BRWD3: variants seen among roughly 807,000 people sequenced by gnomAD.
BRWD3 encodes bromodomain and WD repeat-containing protein 3.
Under a neutral mutation model 149.7 loss-of-function variants are expected in BRWD3, and 10 were observed. That is an observed-to-expected ratio of 0.07 (90% CI 0.04 to 0.11). BRWD3 has a LOEUF of 0.11. Among genes scored for constraint, BRWD3 ranks in the 10% least tolerant of loss-of-function variants. BRWD3 has a pLI of 1.00. For synonymous variants in BRWD3, 504 were observed against 456.7 expected, an observed-to-expected ratio of 1.10 and a Z score of -1.32; for missense variants, 940 against 1,373.2, an observed-to-expected ratio of 0.68 and a Z score of 4.99.
At chrX:80,782,935 A>G (rs2074070453) in intron 6 of BRWD3, among the ~76,000 whole-genome samples, 1 of 110,064 alleles carries the variant, frequency 9.1e-6, no homozygotes, top group Non-Finnish European at 1.9e-5. Flanking sequence ...AGAATGTAAA[A>G]GGAGCTCAAA....
At position 80,692,146 on chromosome X, in the gene BRWD3, C is replaced by T; in HGVS notation, c.3268G>A (p.Asp1090Asn). 1 of 1,200,564 alleles carries T rather than the reference C, an allele frequency of 8.3e-7. No individual in the cohort carries two copies. Among genetic ancestry groups the T allele is most frequent in the African/African-American group, 1.7e-5 (1 of 57,433 alleles). Residue 1090 changes from aspartate to asparagine, a missense_variant, in exon 29 of 41, where the codon GAC (aspartate) becomes AAC (asparagine). Asp to Asn is a conservative substitution (Grantham distance 23, BLOSUM62 1). Transcript: ENST00000373275. ...SSFQCYSVHW[D>N]NNEREKMSPW... Reference sequence around the variant, plus strand: ...CTCATCTTTTCTCTCTCATTATTGTCCCAGCTATTAAAAAATAAGAAGATG... The same window carrying T: ...CTCATCTTTTCTCTCTCATTATTGTTCCAGCTATTAAAAAATAAGAAGATG...
chrX:80,745,221 A>G (rs1056226236), intron 7 of BRWD3, among the ~76,000 whole-genome samples: 1 of 111,683 alleles, frequency 9.0e-6, no homozygotes, highest in African/African-American at 3.2e-5. Context: ...GAAAACTGGC[A>G]GCAATTACAC....
chrX:80,764,565 G>C (rs1400597305), intron 6 of BRWD3, among the ~76,000 whole-genome samples: 1 of 109,138 alleles, frequency 9.2e-6, no homozygotes, highest in Non-Finnish European at 1.9e-5. Context: ...TGCCTGCCTC[G>C]GCCTCCCAAA....
chrX:80,742,202 C>T (rs991670126), intron 8 of BRWD3, among the ~76,000 whole-genome samples: 1 of 110,674 alleles, frequency 9.0e-6, no homozygotes, highest in South Asian at 3.9e-4. Context: ...CTCAGGTTTG[C>T]CAAAGATCAG....
intron 37 of BRWD3, among the ~76,000 whole-genome samples, chrX:80,683,628 T>G (rs1489320995): frequency 2.7e-5 from 3 of 111,795 alleles, no homozygotes; most frequent in African/African-American, 9.7e-5. Context: ...TGAGTATAAA[T>G]AAGCAGTTAC....
chrX:80,694,969 A>G (rs2072663352), intron 27 of BRWD3, among the ~76,000 whole-genome samples: 1 of 111,182 alleles, frequency 9.0e-6, no homozygotes, highest in Non-Finnish European at 1.9e-5. Context: ...TGATATGGCT[A>G]GGCTCTGTGT....
intron 27 of BRWD3, among the ~76,000 whole-genome samples, chrX:80,693,868 T>C (rs1445794714): frequency 9.0e-6 from 1 of 111,533 alleles, no homozygotes; most frequent in Non-Finnish European, 1.9e-5. Context: ...TGATAACTGA[T>C]AGGATAAAAA....
chrX:80,771,406 T>G (rs956150976), intron 6 of BRWD3, among the ~76,000 whole-genome samples: 14 of 111,264 alleles, frequency 1.3e-4, no homozygotes, highest in African/African-American at 4.6e-4. Context: ...AACAGATATA[T>G]AGACCAATGG....
At chrX:80,713,401 G>A (rs963472405) in intron 20 of BRWD3, among the ~76,000 whole-genome samples, 1 of 112,012 alleles carries the variant, frequency 8.9e-6, no homozygotes, top group Non-Finnish European at 1.9e-5. Flanking sequence ...CCCCAACCCT[G>A]TGCTCTCTGA....
At chrX:80,677,487 A>G in intron 40 of BRWD3, 124 bp from the exon 41 acceptor site, 1 of 951,025 alleles carries the variant, frequency 1.1e-6, no homozygotes, top group Admixed American at 3.8e-5. Flanking sequence ...GTGTCAGACT[A>G]AGAACTTAAA....
At chrX:80,730,879 G>C (rs1490701090) in intron 12 of BRWD3, among the ~76,000 whole-genome samples, 2 of 111,540 alleles carry the variant, frequency 1.8e-5, no homozygotes, top group Non-Finnish European at 3.8e-5. Context: ...ATGTTTACAA[G>C]TACAAAACTA....
In BRWD3 at chrX:80,676,293, C is replaced by T. The variant is rs2072364661; in HGVS notation, c.*316G>A. Reference sequence around the variant, plus strand: ...TGCTACTCTTAAGAAGCTGAATGCTCCTTTAATGTAGTAAATCTGTAGTGT... The same window carrying T: ...TGCTACTCTTAAGAAGCTGAATGCTTCTTTAATGTAGTAAATCTGTAGTGT... On this transcript the variant is annotated 3_prime_UTR_variant, in exon 41 of 41. Transcript: ENST00000373275. The T allele has an allele frequency of 3.3e-6, 1 of 299,933 alleles. No homozygotes were observed. The highest frequency in any genetic ancestry group is 7.4e-5 in the South Asian group (1 of 13,465). The allele number at this position is 299,933 out of a possible 1,213,427, so 24.7% of individuals were successfully genotyped here.
chrX:80,771,659 C>T (rs1462948175), intron 6 of BRWD3, among the ~76,000 whole-genome samples: 2 of 111,817 alleles, frequency 1.8e-5, no homozygotes, highest in Non-Finnish European at 3.8e-5. Context: ...ACAAAAGAAA[C>T]TACCATCAGA....
intron 12 of BRWD3, chrX:80,733,084 C>A (rs6616699): frequency 0.018 from 2,028 of 114,230 alleles, 55 homozygotes; most frequent in African/African-American, 0.066. Context: ...GAGCCAAGAT[C>A]GCACCACCGC....
chrX:80,686,376 C>G (rs1277846808), intron 35 of BRWD3, among the ~76,000 whole-genome samples: 1 of 108,301 alleles, frequency 9.2e-6, no homozygotes, highest in African/African-American at 3.4e-5. Flanking sequence ...ACGTATGTAA[C>G]AAACCTGCAC....
intron 6 of BRWD3, among the ~76,000 whole-genome samples, chrX:80,752,436 T>C (rs945722821): frequency 8.9e-6 from 1 of 111,802 alleles, no homozygotes; most frequent in Non-Finnish European, 1.9e-5. Context: ...GTTTGCTGGA[T>C]TGAATGGACA....
intron 14 of BRWD3, among the ~76,000 whole-genome samples, chrX:80,727,636 A>T (rs1295084770): frequency 9.0e-6 from 1 of 111,449 alleles, no homozygotes; most frequent in Non-Finnish European, 1.9e-5. Context: ...AACCTAATAA[A>T]AGTAAAGCAA....
chrX:80,776,017 A>G (rs2073997163), intron 6 of BRWD3, among the ~76,000 whole-genome samples: 1 of 112,190 alleles, frequency 8.9e-6, no homozygotes, highest in Non-Finnish European at 1.9e-5. Flanking sequence ...CAGAGGCTCA[A>G]TCTAGGTCTC....
chrX:80,686,891 C>G lies in BRWD3; in HGVS notation c.3977G>C (p.Arg1326Pro), dbSNP rs747841394. 5 of 1,209,351 alleles carry G rather than the reference C, an allele frequency of 4.1e-6. No homozygotes were observed. The highest frequency in any genetic ancestry group is 5.6e-6 in the Non-Finnish European group (5 of 894,097). ...IYEREDSEPF[R>P]QPADLLSYPG... The stretch of plus-strand genomic sequence containing the variant: ...GTAAGAAAGAAGATCAGCTGGCTGT[C>G]GAAATGGCTCCGAGTCTTCACGTTC... The change falls in exon 35 of 41, where the codon CGA (arginine) becomes CCA (proline). Residue 1326 changes from arginine to proline, a missense_variant. Physicochemically the swap from Arg to Pro is moderately radical, Grantham distance 103 (BLOSUM62 -2). Transcript: ENST00000373275.
Sources: allele counts gnomAD v4.1 joint callset (sites outside exome capture counted in the v4.1 genomes callset), GRCh38; gene constraint gnomAD v4.1.1; transcripts MANE v1.5; gene names NCBI Gene and HGNC (gene_info 2026-07-23, HGNC 2026-07-21).